C12orf56: variants seen among roughly 807,000 people sequenced by gnomAD.
C12orf56 encodes the protein uncharacterized protein C12orf56.
C12orf56 carries 71 observed loss-of-function variants against 69.9 expected under a neutral mutation model. The observed-to-expected ratio is 1.02, with a 90% CI of 0.84 to 1.24. C12orf56 has a LOEUF of 1.24. Among genes scored for constraint, C12orf56 ranks in the 50% most tolerant of loss-of-function variants. The pLI, the probability that C12orf56 is intolerant of heterozygous loss-of-function variation, is 0.00. For missense variants in C12orf56, 732 were observed against 738.5 expected (o/e 0.99, Z 0.10); for synonymous variants, 276 against 274.1 (o/e 1.01, Z -0.07).
At chr12:64,314,634 G>A (rs2038665972) in intron 4 of C12orf56, among the ~76,000 whole-genome samples, 1 of 151,738 alleles carries the variant, frequency 6.6e-6, no homozygotes, top group East Asian at 1.9e-4. Context: ...ATTTGACACT[G>A]CAGACAAGCT....
At chr12:64,366,126 A>G (rs1161386385) in intron 1 of C12orf56, among the ~76,000 whole-genome samples, 4 of 128,226 alleles carry the variant, frequency 3.1e-5, no homozygotes, top group Non-Finnish European at 4.6e-5. Context: ...TAGCTTGTAT[A>G]ATATATAGTT....
At chr12:64,277,644 A>ATG in intron 9 of C12orf56, 36 bp downstream of exon 9, 1 of 1,320,250 alleles carries the variant, frequency 7.6e-7, no homozygotes, top group Non-Finnish European at 9.8e-7. Flanking sequence ...ATATATATAT[A>ATG]TATATAATAG....
At chr12:64,276,201 C>T (rs1021322406) in intron 9 of C12orf56, among the ~76,000 whole-genome samples, 2 of 152,138 alleles carry the variant, frequency 1.3e-5, no homozygotes, top group African/African-American at 4.8e-5. Flanking sequence ...AGACACCATG[C>T]TAGGTGTTGG....
chr12:64,343,050 C>A (rs2135940763), intron 2 of C12orf56, among the ~76,000 whole-genome samples: 1 of 152,278 alleles, frequency 6.6e-6, no homozygotes, highest in African/African-American at 2.4e-5. Context: ...GCCAGAGTAA[C>A]ACACCCAAAT....
At chr12:64,280,905 C>T (rs1391244789) in intron 8 of C12orf56, among the ~76,000 whole-genome samples, 1 of 152,180 alleles carries the variant, frequency 6.6e-6, no homozygotes, top group East Asian at 1.9e-4. Flanking sequence ...GATCCACTGA[C>T]ACTGTGAGAT....
At chr12:64,336,007 GACT>G (rs2136874258) in intron 2 of C12orf56, among the ~76,000 whole-genome samples, 1 of 152,280 alleles carries the variant, frequency 6.6e-6, no homozygotes, top group African/African-American at 2.4e-5. Flanking sequence ...TTCTAGCAAT[GACT>G]ATTATCAAAT....
intron 6 of C12orf56, among the ~76,000 whole-genome samples, chr12:64,299,885 C>T (rs1157191290): frequency 6.6e-6 from 1 of 152,094 alleles, no homozygotes; most frequent in African/African-American, 2.4e-5. Context: ...CTACTGCCCA[C>T]AAGTGTCTAT....
chr12:64,386,639 G>A (rs2039794938), intron 1 of C12orf56, among the ~76,000 whole-genome samples: 2 of 151,790 alleles, frequency 1.3e-5, no homozygotes, highest in South Asian at 4.2e-4. Flanking sequence ...CAGGTGATCC[G>A]CCCATCTCGG....
chr12:64,371,804 T>A (rs113759754), intron 1 of C12orf56, among the ~76,000 whole-genome samples: 5 of 152,122 alleles, frequency 3.3e-5, no homozygotes, highest in African/African-American at 9.6e-5. Context: ...CACTCCAGCC[T>A]GGGTGACAGA....
At chr12:64,343,599 G>C (rs2135941319) in intron 2 of C12orf56, among the ~76,000 whole-genome samples, 1 of 152,306 alleles carries the variant, frequency 6.6e-6, no homozygotes, top group South Asian at 2.1e-4. Flanking sequence ...AACCACATCT[G>C]GTACAGCAGC....
chr12:64,302,541 G>A (rs1048192677), intron 6 of C12orf56, among the ~76,000 whole-genome samples: 1 of 152,144 alleles, frequency 6.6e-6, no homozygotes, highest in African/African-American at 2.4e-5. Flanking sequence ...AATGATGGCA[G>A]CTACTTATGT....
chr12:64,304,370 G>T (rs142786050), intron 5 of C12orf56, among the ~76,000 whole-genome samples: 246 of 152,190 alleles, frequency 1.6e-3, no homozygotes, highest in African/African-American at 5.5e-3. Flanking sequence ...TTCCACCATG[G>T]AATTCAAAGT....
chr12:64,282,165 C>T (rs1259831335), intron 8 of C12orf56, among the ~76,000 whole-genome samples: 3 of 151,256 alleles, frequency 2.0e-5, no homozygotes, highest in Non-Finnish European at 3.0e-5. Flanking sequence ...AGACCAGCCC[C>T]GACAACAAAG....
At position 64,293,569 on chromosome 12, in the gene C12orf56, T is replaced by C. The variant is rs1444281880; in HGVS notation, c.1114-7509A>G. 5.3e-5 allele frequency among the ~76,000 whole-genome samples: 8 copies of C among 152,232 alleles called. 1 individual carries two copies. On this transcript the variant is annotated intron_variant, in intron 6 of 12. Transcript: ENST00000543942. ...ACGTAAGTTTAAATAAGATAGTATG[T>C]ATTTATAAAGCTTCAACAGTGCTTA...
At chr12:64,285,124 C>G (rs1203385277) in intron 7 of C12orf56, among the ~76,000 whole-genome samples, 2 of 150,466 alleles carry the variant, frequency 1.3e-5, no homozygotes, top group Non-Finnish European at 3.0e-5. Flanking sequence ...GAGGTCAAGA[C>G]TGCAGTGAGC....
intron 2 of C12orf56, among the ~76,000 whole-genome samples, chr12:64,334,037 C>T (rs933233588): frequency 6.6e-6 from 1 of 152,180 alleles, no homozygotes; most frequent in African/African-American, 2.4e-5. Flanking sequence ...TGACATGCTT[C>T]TTCAGTGGCT....
intron 3 of C12orf56, among the ~76,000 whole-genome samples, chr12:64,326,059 C>A (rs1001145371): frequency 6.6e-6 from 1 of 152,008 alleles, no homozygotes; most frequent in Admixed American, 6.6e-5. Context: ...CTGAAACAAC[C>A]AAAAATTGGA....
At chr12:64,286,984 C>G (rs943398351) in intron 6 of C12orf56, among the ~76,000 whole-genome samples, 8 of 151,974 alleles carry the variant, frequency 5.3e-5, no homozygotes, top group Admixed American at 4.6e-4. Context: ...TGCCTGTCAG[C>G]CCAGCACTTT....
rs1592480174 is a variant in C12orf56, at chr12:64,353,138, C to G, written c.253-82G>C. On this transcript the variant is annotated intron_variant, in intron 1 of 12. Transcript: ENST00000543942. The stretch of plus-strand genomic sequence containing the variant: ...GGTATAATAAATCCCCCAAAGCTAA[C>G]AGCAAGTTTTTTTTTTCCACATATA... 8.6e-6 allele frequency: 12 copies of G among 1,388,358 alleles called. No homozygotes were observed. The East Asian group carries it at 1.4e-4, about 16-fold the overall frequency. 86.0% of individuals were successfully genotyped at this position (1,388,358 alleles called of 1,614,324 possible).
Sources: gnomAD v4.1 joint callset for allele counts (sites outside exome capture counted in the v4.1 genomes callset) on GRCh38, gnomAD v4.1.1 for gene constraint, MANE v1.5 for transcripts, NCBI Gene and HGNC (gene_info 2026-07-23, HGNC 2026-07-21) for gene names.